SYBU: variants seen among roughly 807,000 people sequenced by gnomAD.
SYBU encodes syntabulin, also known as GOLSYN A protein.
Under a neutral mutation model 35.9 loss-of-function variants are expected in SYBU, and 21 were observed. That is an observed-to-expected ratio of 0.58 (90% CI 0.41 to 0.84). The LOEUF is 0.84. Ranked by LOEUF, SYBU falls within the 40% of genes least tolerant of loss-of-function variation. The probability of loss-of-function intolerance (pLI) is 0.00; values close to 1 mark genes in which losing one functional copy is unlikely to be tolerated. For synonymous variants in SYBU, 319 were observed against 324.3 expected (o/e 0.98, Z 0.18); for missense variants, 768 against 848.2 (o/e 0.91, Z 1.17).
At chr8:109,643,993 G>A (rs1815251971) in intron 1 of SYBU, 1 of 409,922 alleles carries the variant, frequency 2.4e-6, no homozygotes, top group African/African-American at 2.1e-5. Context: ...GGGACTCTTT[G>A]GCTTAGGTAA....
At chr8:109,629,542 C>T (rs1444137399) in intron 2 of SYBU, among the ~76,000 whole-genome samples, 1 of 151,548 alleles carries the variant, frequency 6.6e-6, no homozygotes. Context: ...TCTTTGTTAA[C>T]CACTATGTTG....
At chr8:109,654,446 C>T (rs1816276386) in intron 1 of SYBU, among the ~76,000 whole-genome samples, 1 of 152,194 alleles carries the variant, frequency 6.6e-6, no homozygotes, top group Non-Finnish European at 1.5e-5. Flanking sequence ...ACATTGCCCT[C>T]CTGATCTTCC....
upstream of SYBU, chr8:109,645,197 C>G: frequency 2.2e-6 from 1 of 456,798 alleles, no homozygotes; most frequent in Non-Finnish European, 4.4e-6. Context: ...AAAGTTTTCC[C>G]CTGGCCACCC....
At chr8:109,667,816 A>G (rs1013672926) in intron 1 of SYBU, among the ~76,000 whole-genome samples, 8 of 152,200 alleles carry the variant, frequency 5.3e-5, no homozygotes, top group Non-Finnish European at 7.3e-5. Context: ...TTAAAACCAG[A>G]CCAGATTTTA....
In SYBU at chr8:109,575,406, CTGGGCT is replaced by C. The variant is rs749606891; in HGVS notation, c.1486_1491del (p.Ser496_Pro497del). On this transcript the variant is annotated inframe_deletion, in exon 7 of 7. Coordinates refer to ENST00000276646, the MANE Select transcript of SYBU (RefSeq NM_001099754.2). ...ACACTCTGAATGAGCTCTGAGATGG[CTGGGCT>C]GTAGGGCACCACGTCGGTCTGAACG... is the stretch of plus-strand genomic sequence containing the variant. The C allele has an allele frequency of 6.2e-7, 1 of 1,614,110 alleles. No individual in the cohort carries two copies. Among genetic ancestry groups the C allele is most frequent in the African/African-American group, 1.3e-5 (1 of 75,024 alleles).
intron 2 of SYBU, among the ~76,000 whole-genome samples, chr8:109,640,268 G>A (rs895079104): frequency 2.0e-5 from 3 of 152,162 alleles, no homozygotes; most frequent in Admixed American, 1.3e-4. Flanking sequence ...CAGGAAGTGG[G>A]TCCGGGGAAG....
At chr8:109,620,596 G>T (rs900850047) in intron 2 of SYBU, among the ~76,000 whole-genome samples, 2 of 151,978 alleles carry the variant, frequency 1.3e-5, no homozygotes, top group Non-Finnish European at 1.5e-5. Context: ...TGACTTTTTG[G>T]TCTATCAGCA....
intron 3 of SYBU, among the ~76,000 whole-genome samples, chr8:109,597,427 C>T (rs144476613): frequency 3.9e-4 from 59 of 152,166 alleles, no homozygotes; most frequent in African/African-American, 1.4e-3. Flanking sequence ...AGTTAAGTCT[C>T]TATATTAAAG....
intron 4 of SYBU, among the ~76,000 whole-genome samples, chr8:109,585,342 T>A (rs2129682412): frequency 6.6e-6 from 1 of 152,360 alleles, no homozygotes; most frequent in East Asian, 1.9e-4. Context: ...ATGCTCTGAC[T>A]CAGCATTTTA....
At chr8:109,664,069 T>A (rs1816670206) in intron 1 of SYBU, among the ~76,000 whole-genome samples, 1 of 152,158 alleles carries the variant, frequency 6.6e-6, no homozygotes, top group Admixed American at 6.5e-5. Flanking sequence ...CTTCAGTAAA[T>A]CACATACAAT....
intron 3 of SYBU, among the ~76,000 whole-genome samples, chr8:109,607,098 TAATTA>T (rs1314716398): frequency 2.6e-5 from 4 of 152,038 alleles, no homozygotes; most frequent in African/African-American, 9.7e-5. Context: ...TTGTTTCTAC[TAATTA>T]ATTTTACCAC....
At chr8:109,624,000 ATC>A (rs1812712285) in intron 2 of SYBU, among the ~76,000 whole-genome samples, 1 of 152,210 alleles carries the variant, frequency 6.6e-6, no homozygotes, top group East Asian at 1.9e-4. Context: ...CAGTTTCATT[ATC>A]TGTCATTGAA....
At chr8:109,631,325 G>A (rs1813600515) in intron 2 of SYBU, among the ~76,000 whole-genome samples, 1 of 152,198 alleles carries the variant, frequency 6.6e-6, no homozygotes, top group Non-Finnish European at 1.5e-5. Flanking sequence ...ATCTACAAAA[G>A]CAAAGTGGAG....
At chr8:109,636,043 T>A (rs16879844) in intron 2 of SYBU, among the ~76,000 whole-genome samples, 1 of 152,018 alleles carries the variant, frequency 6.6e-6, no homozygotes, top group African/African-American at 2.4e-5. Flanking sequence ...ATCCAGGTGG[T>A]CTCACTCTTT....
intron 3 of SYBU, among the ~76,000 whole-genome samples, chr8:109,605,654 C>A (rs1825995539): frequency 6.6e-6 from 1 of 152,200 alleles, no homozygotes; most frequent in Non-Finnish European, 1.5e-5. Context: ...AAAATAAGCA[C>A]CAGCAGGCTC....
chr8:109,574,621 T>A lies in SYBU; in HGVS notation c.*285A>T. The A allele has an allele frequency of 3.1e-6, 1 of 319,334 alleles. No homozygotes were observed. 19.8% of individuals were successfully genotyped at this position (319,334 alleles called of 1,614,324 possible). The stretch of plus-strand genomic sequence containing the variant: ...TTGAAAGTGCAAACTGCGTTTTCTC[T>A]TCCTGAACCACTAGGATAAGAACGG... On this transcript the variant is annotated 3_prime_UTR_variant, in exon 7 of 7. Transcript: ENST00000276646.
At chr8:109,631,101 G>A (rs778281548) in intron 2 of SYBU, among the ~76,000 whole-genome samples, 18 of 152,270 alleles carry the variant, frequency 1.2e-4, no homozygotes, top group Middle Eastern at 3.4e-3. Context: ...GACGCATTAC[G>A]GAGCCAGGAT....
rs1011511682 is a variant in SYBU at position 109,643,029 on chromosome 8, A to T, written c.25-97T>A. On this transcript the variant is annotated intron_variant, in intron 1 of 6. Coordinates refer to ENST00000276646, the MANE Select transcript of SYBU (RefSeq NM_001099754.2). ...CAAGGATCAATTTCTAAGAAATCAC[A>T]TTTCTGAGTATTGAGTCTTCACAGA... 100 of 1,450,612 alleles carry T rather than the reference A, an allele frequency of 6.9e-5. No individual in the cohort carries two copies. In the African/African-American group the frequency reaches 1.4e-3, roughly 20 times the overall value. The allele number at this position is 1,450,612 out of a possible 1,614,324, so 89.9% of individuals were successfully genotyped here. A position where few individuals can be genotyped will look rare whatever the true frequency, so the allele number is the denominator to read the frequency against.
In SYBU at chr8:109,579,423, T is replaced by TTTTG. The variant is rs137877251; in HGVS notation, c.734+372_734+375dup. ...TGCCTACAGAATCATCTTAAGTTGT[T>TTTTG]TTTGTTTGTTTGTTTGTTTGAGATG... On this transcript the variant is annotated intron_variant, in intron 5 of 6. Coordinates refer to ENST00000276646, the MANE Select transcript of SYBU (RefSeq NM_001099754.2). 1.9e-3 allele frequency among the ~76,000 whole-genome samples: 286 copies of TTTTG among 152,160 alleles called. 1 individual carries two copies. The highest frequency in any genetic ancestry group is 6.3e-3 in the African/African-American group (260 of 41,508).
Sources: allele counts gnomAD v4.1 joint callset (sites outside exome capture counted in the v4.1 genomes callset), GRCh38; gene constraint gnomAD v4.1.1; transcripts MANE v1.5; gene names NCBI Gene and HGNC (gene_info 2026-07-23, HGNC 2026-07-21).